HOMER1: variants seen among roughly 807,000 people sequenced by gnomAD.
The protein encoded by HOMER1 is homer protein homolog 1.
Under a neutral mutation model 48.9 loss-of-function variants are expected in HOMER1, and 3 were observed. The ratio of observed to expected loss-of-function variants is 0.06; its 90% CI spans 0.03 to 0.16. The LOEUF (loss-of-function observed/expected upper bound fraction) is 0.16, where lower values mean the gene tolerates loss of function less well. Among genes scored for constraint, HOMER1 ranks in the 10% least tolerant of loss-of-function variants. The probability of loss-of-function intolerance (pLI) is 1.00; values close to 1 mark genes in which losing one functional copy is unlikely to be tolerated. For missense variants in HOMER1, 247 were observed against 411.4 expected (o/e 0.60, Z 3.46); for synonymous variants, 134 against 146.4 (o/e 0.92, Z 0.61).
At chr5:79,464,883 CACATAATTAT>C (rs1489276215) in intron 1 of HOMER1, among the ~76,000 whole-genome samples, 1 of 152,170 alleles carries the variant, frequency 6.6e-6, no homozygotes, top group Non-Finnish European at 1.5e-5. Context: ...GGCTACCCAA[CACATAATTAT>C]ACTGCAACAA....
At chr5:79,386,069 C>A (rs527864669) in intron 8 of HOMER1, among the ~76,000 whole-genome samples, 1 of 150,944 alleles carries the variant, frequency 6.6e-6, no homozygotes, top group African/African-American at 2.4e-5. Context: ...TTTTTTAAAA[C>A]TAAAAATAAA....
At chr5:79,429,827 T>C (rs538013856) in intron 5 of HOMER1, among the ~76,000 whole-genome samples, 1 of 151,958 alleles carries the variant, frequency 6.6e-6, no homozygotes, top group Admixed American at 6.6e-5. Context: ...ATCAAAACCA[T>C]CCTGGCTAAC....
chr5:79,404,780 T>C (rs1749620226), intron 5 of HOMER1, among the ~76,000 whole-genome samples: 1 of 152,132 alleles, frequency 6.6e-6, no homozygotes, highest in South Asian at 2.1e-4. Flanking sequence ...TCTCAGCTCA[T>C]GCAACCTCCG....
At chr5:79,467,922 G>T (rs1179800749) in intron 1 of HOMER1, among the ~76,000 whole-genome samples, 7 of 152,072 alleles carry the variant, frequency 4.6e-5, no homozygotes, top group Non-Finnish European at 8.8e-5. Context: ...GACTACAGAT[G>T]AGCGTGCACC....
At chr5:79,500,952 T>TGTGTGTGTGTGTGA (rs750225307) in intron 1 of HOMER1, among the ~76,000 whole-genome samples, 11 of 108,606 alleles carry the variant, frequency 1.0e-4, no homozygotes, top group African/African-American at 4.5e-4. Flanking sequence ...TGTGTGTGTG[T>TGTGTGTGTGTGTGA]GAGACAGACA....
chr5:79,426,636 T>C (rs188263410), intron 5 of HOMER1, among the ~76,000 whole-genome samples: 11 of 151,920 alleles, frequency 7.2e-5, no homozygotes, highest in South Asian at 4.2e-4. Context: ...CTACCAGAAG[T>C]TGGGAAGGGT....
At chr5:79,425,885 C>A (rs1395839102) in intron 5 of HOMER1, among the ~76,000 whole-genome samples, 1 of 151,850 alleles carries the variant, frequency 6.6e-6, no homozygotes, top group Non-Finnish European at 1.5e-5. Context: ...TTAGAAAAAG[C>A]AAGTAAGCCA....
intron 4 of HOMER1, among the ~76,000 whole-genome samples, chr5:79,439,881 T>A (rs1750694782): frequency 6.6e-6 from 1 of 152,166 alleles, no homozygotes; most frequent in South Asian, 2.1e-4. Context: ...GAATTTAAAA[T>A]GAAGCTCAAG....
chr5:79,420,061 G>A (rs1008104086), intron 5 of HOMER1, among the ~76,000 whole-genome samples: 6 of 152,038 alleles, frequency 3.9e-5, no homozygotes, highest in African/African-American at 1.2e-4. Context: ...GTATTGTGAC[G>A]GTCATGTACA....
At chr5:79,383,692 A>G (rs1326788601) in intron 8 of HOMER1, among the ~76,000 whole-genome samples, 2 of 152,236 alleles carry the variant, frequency 1.3e-5, no homozygotes, top group African/African-American at 4.8e-5. Flanking sequence ...CCTACAGAAC[A>G]TCTTATACAA....
chr5:79,438,998 T>C lies in HOMER1; in HGVS notation c.527+12A>G, dbSNP rs543916931. 5.5e-5 allele frequency: 89 copies of C among 1,610,968 alleles called. No individual in the cohort carries two copies. Among genetic ancestry groups the C allele is most frequent in the Non-Finnish European group, 7.0e-5 (83 of 1,177,564 alleles). ...CATTTACTTAATCATAATTGCTGAA[T>C]TGAATCTGTACCTATGTGAAAATGG... On this transcript the variant is annotated intron_variant, in intron 5 of 8. Coordinates refer to ENST00000334082, the MANE Select transcript of HOMER1 (RefSeq NM_004272.5).
chr5:79,514,031 A>C lies in HOMER1; in HGVS notation c.-1257T>G, dbSNP rs569127777. ...AGCAGCGCCAGCCCCGGCGGCCTGA[A>C]GCCTGCCGCTGCCTCCGCCTCCGCC... On this transcript the variant is annotated 5_prime_UTR_variant, in exon 1 of 9. Transcript: ENST00000334082. The C allele has an allele frequency of 1.3e-5, 2 of 152,550 alleles. No homozygotes were observed. The highest frequency in any genetic ancestry group is 6.5e-5 in the Admixed American group (1 of 15,288). The allele number at this position is 152,550 out of a possible 1,614,324, so 9.4% of individuals were successfully genotyped here. A position where few individuals can be genotyped will look rare whatever the true frequency, so the allele number is the denominator to read the frequency against.
At chr5:79,443,808 C>G (rs1750803643) in intron 4 of HOMER1, among the ~76,000 whole-genome samples, 1 of 152,110 alleles carries the variant, frequency 6.6e-6, no homozygotes, top group Non-Finnish European at 1.5e-5. Flanking sequence ...TTCTAGAACT[C>G]CCATTATTAA....
At chr5:79,512,044 CTG>C (rs750006655) in intron 1 of HOMER1, among the ~76,000 whole-genome samples, 13 of 152,190 alleles carry the variant, frequency 8.5e-5, no homozygotes, top group Non-Finnish European at 1.3e-4. Context: ...TAATAAAAGA[CTG>C]GAAAATGCAC....
At chr5:79,388,501 C>CA (rs1383756808) in intron 8 of HOMER1, among the ~76,000 whole-genome samples, 2 of 152,022 alleles carry the variant, frequency 1.3e-5, no homozygotes, top group African/African-American at 2.4e-5. Flanking sequence ...ATGAATCTTC[C>CA]AAAAACCAAC....
intron 8 of HOMER1, among the ~76,000 whole-genome samples, chr5:79,388,409 G>A (rs1450080387): frequency 6.6e-6 from 1 of 151,730 alleles, no homozygotes; most frequent in East Asian, 1.9e-4. Context: ...TCCACAAAAT[G>A]CAAATGTGTA....
rs1748768534 is a variant in HOMER1 at position 79,376,211 on chromosome 5, A to G, written c.877-14T>C. The G allele has an allele frequency of 2.5e-6, 4 of 1,597,816 alleles. No homozygotes were observed. Among genetic ancestry groups the G allele is most frequent in the Non-Finnish European group, 3.4e-6 (4 of 1,167,574 alleles). On this transcript the variant is annotated splice_polypyrimidine_tract_variant and intron_variant, in intron 8 of 8. Coordinates refer to ENST00000334082, the MANE Select transcript of HOMER1 (RefSeq NM_004272.5). ...AATTTCTACTTCCTTCAGAAACAAA[A>G]GTGTAACATGTATATATGTCAATTC... is the stretch of plus-strand genomic sequence containing the variant.
intron 5 of HOMER1, among the ~76,000 whole-genome samples, chr5:79,435,416 A>G (rs1750547902): frequency 6.6e-6 from 1 of 152,202 alleles, no homozygotes; most frequent in East Asian, 1.9e-4. Context: ...TTTTTAGCAC[A>G]TAGACATTCT....
At chr5:79,377,504 T>G (rs1748806765) in intron 8 of HOMER1, among the ~76,000 whole-genome samples, 1 of 152,186 alleles carries the variant, frequency 6.6e-6, no homozygotes, top group Admixed American at 6.5e-5. Context: ...ACTAAGTGAC[T>G]GACACAATTT....
Sources: gnomAD v4.1 joint callset for allele counts (sites outside exome capture counted in the v4.1 genomes callset) on GRCh38, gnomAD v4.1.1 for gene constraint, MANE v1.5 for transcripts, NCBI Gene and HGNC (gene_info 2026-07-23, HGNC 2026-07-21) for gene names.